Variants in GALNT13 observed in about 807,000 individuals in gnomAD.
The protein encoded by GALNT13 is UDP-GalNAc:polypeptide N-acetylgalactosaminyltransferase 13.
In GALNT13, 28 loss-of-function variants were observed where a neutral mutation model predicts 64.2. The ratio of observed to expected loss-of-function variants is 0.44; its 90% CI spans 0.32 to 0.60. The LOEUF (loss-of-function observed/expected upper bound fraction) is 0.60. Ranked by LOEUF, GALNT13 falls within the 20% of genes least tolerant of loss-of-function variation. GALNT13 has a pLI of 0.05. For missense variants in GALNT13, 577 were observed against 669.8 expected, an observed-to-expected ratio of 0.86 and a Z score of 1.53; for synonymous variants, 214 against 224.6, an observed-to-expected ratio of 0.95 and a Z score of 0.42.
the GALNT13 span, among the ~76,000 whole-genome samples, chr2:153,523,043 A>ATTTTTTTTTTTTTTTTTTT: frequency 1.2e-5 from 1 of 83,404 alleles, no homozygotes; most frequent in Non-Finnish European, 2.2e-5. Context: ...TGTGTTTACT[A>ATTTTTTTTTTTTTTTTTTT]TTTTTTTTTT....
At chr2:154,376,552 G>C (rs1698005002) in intron 9 of GALNT13, among the ~76,000 whole-genome samples, 1 of 152,030 alleles carries the variant, frequency 6.6e-6, no homozygotes, top group Non-Finnish European at 1.5e-5. Context: ...CAACATTTTA[G>C]TGTCTGAGTC....
chr2:153,984,104 T>C (rs1318300157), intron 3 of GALNT13, among the ~76,000 whole-genome samples: 3 of 151,778 alleles, frequency 2.0e-5, no homozygotes, highest in South Asian at 2.1e-4. Context: ...GCTACAACTT[T>C]AGAAGTTTAA....
At chr2:153,189,075 C>G in the GALNT13 span, among the ~76,000 whole-genome samples, 2 of 152,170 alleles carry the variant, frequency 1.3e-5, no homozygotes, top group East Asian at 3.8e-4. Flanking sequence ...TTACTTCTAT[C>G]TAACTATATG....
the GALNT13 span, among the ~76,000 whole-genome samples, chr2:153,266,569 G>A: frequency 1.8e-5 from 1 of 55,676 alleles, no homozygotes; most frequent in Non-Finnish European, 4.1e-5. Context: ...TTCACAAGGT[G>A]GCAGGAGAGA....
rs1204766862 is a variant in GALNT13, at chr2:154,189,995, T to A, written c.311+49490T>A. 2.6e-5 allele frequency among the ~76,000 whole-genome samples: 4 copies of A among 152,224 alleles called. No individual in the cohort carries two copies. The East Asian group carries it at 5.8e-4, about 22-fold the overall frequency. On this transcript the variant is annotated intron_variant, in intron 4 of 12. Transcript: ENST00000392825. ...TAAAAACCTGAATTTAAAATGTTTT[T>A]TAAAGCTAAAATGTCAGGTCATAAA...
At chr2:154,060,059 G>C (rs527847425) in intron 3 of GALNT13, among the ~76,000 whole-genome samples, 1 of 152,276 alleles carries the variant, frequency 6.6e-6, no homozygotes, top group Non-Finnish European at 1.5e-5. Context: ...AGTGGGATTA[G>C]TGTTCTTATA....
the GALNT13 span, among the ~76,000 whole-genome samples, chr2:153,661,357 A>T: frequency 1.3e-5 from 2 of 152,172 alleles, no homozygotes; most frequent in Non-Finnish European, 2.9e-5. Flanking sequence ...GGACCTGAAG[A>T]TAACAAATAA....
At chr2:153,627,315 A>G in the GALNT13 span, among the ~76,000 whole-genome samples, 1 of 151,362 alleles carries the variant, frequency 6.6e-6, no homozygotes, top group East Asian at 1.9e-4. Flanking sequence ...TTTTAAGTCA[A>G]TTGATTCAAA....
chr2:153,839,253 T>C, the GALNT13 span, among the ~76,000 whole-genome samples: 1 of 151,986 alleles, frequency 6.6e-6, no homozygotes, highest in East Asian at 1.9e-4. Context: ...ATTTTACTTT[T>C]TTTTCTTGCT....
the GALNT13 span, among the ~76,000 whole-genome samples, chr2:153,534,332 C>G: frequency 6.6e-6 from 1 of 151,856 alleles, no homozygotes; most frequent in Non-Finnish European, 1.5e-5. Flanking sequence ...ATTTTATAAT[C>G]CTATGATTAG....
the GALNT13 span, among the ~76,000 whole-genome samples, chr2:153,128,389 T>A: frequency 1.3e-5 from 2 of 151,978 alleles, no homozygotes; most frequent in Non-Finnish European, 2.9e-5. Context: ...TTTAAAACCA[T>A]CATATCTTGT....
chr2:154,346,180 A>G (rs1696057734), intron 9 of GALNT13, among the ~76,000 whole-genome samples: 2 of 152,126 alleles, frequency 1.3e-5, no homozygotes, highest in Middle Eastern at 3.4e-3. Flanking sequence ...ATATATATAT[A>G]TGTCTTTTAC....
At chr2:153,410,035 A>G in the GALNT13 span, among the ~76,000 whole-genome samples, 1 of 152,210 alleles carries the variant, frequency 6.6e-6, no homozygotes, top group Non-Finnish European at 1.5e-5. Context: ...TTATATACAG[A>G]TTAGAATACT....
chr2:153,136,469 G>A, the GALNT13 span, among the ~76,000 whole-genome samples: 2,746 of 152,078 alleles, frequency 0.018, 69 homozygotes, highest in African/African-American at 0.05. Context: ...ATATGATTGC[G>A]GATGTGGACT....
chr2:153,428,081 C>T, the GALNT13 span, among the ~76,000 whole-genome samples: 1 of 152,284 alleles, frequency 6.6e-6, no homozygotes, highest in East Asian at 1.9e-4. Flanking sequence ...TGATCAAAAG[C>T]AGTGTTGCTT....
chr2:154,312,500 G>T (rs1008626776), intron 9 of GALNT13, among the ~76,000 whole-genome samples: 1 of 152,018 alleles, frequency 6.6e-6, no homozygotes, highest in African/African-American at 2.4e-5. Context: ...ATGTATTCTG[G>T]TGATAAATTA....
At chr2:153,808,924 T>C in the GALNT13 span, among the ~76,000 whole-genome samples, 52 of 152,328 alleles carry the variant, frequency 3.4e-4, no homozygotes, top group African/African-American at 1.2e-3. Flanking sequence ...ATTCTGTGCA[T>C]ACACCTGAAT....
chr2:153,889,136 G>C (rs1354870474), intron 1 of GALNT13, among the ~76,000 whole-genome samples: 1 of 151,908 alleles, frequency 6.6e-6, no homozygotes, highest in East Asian at 1.9e-4. Flanking sequence ...TTTCCTGGCA[G>C]TTTTTAAGTG....
At chr2:154,307,010 T>C (rs934318143) in intron 9 of GALNT13, among the ~76,000 whole-genome samples, 11 of 151,908 alleles carry the variant, frequency 7.2e-5, no homozygotes, top group African/African-American at 2.4e-5. Context: ...TTTTTTAGCG[T>C]TACACTAAAT....
Sources: allele counts gnomAD v4.1 joint callset (sites outside exome capture counted in the v4.1 genomes callset), GRCh38; gene constraint gnomAD v4.1.1; transcripts MANE v1.5; gene names NCBI Gene and HGNC (gene_info 2026-07-23, HGNC 2026-07-21).